The following COL4A4 variants were observed in gnomAD, a reference collection of about 807,000 sequenced individuals.
COL4A4 encodes the protein collagen type IV alpha 4 chain, also known as collagen alpha-4(IV) chain.
COL4A4 carries 105 observed loss-of-function variants against 192.9 expected under a neutral mutation model. The ratio of observed to expected loss-of-function variants is 0.54; its 90% CI spans 0.46 to 0.64. The LOEUF (loss-of-function observed/expected upper bound fraction) is 0.64, where lower values mean the gene tolerates loss of function less well. COL4A4 is among the 30% of genes least tolerant of loss of function. COL4A4 has a pLI of 0.00. For synonymous variants in COL4A4, 762 were observed against 769.9 expected, an observed-to-expected ratio of 0.99 and a Z score of 0.17; for missense variants, 1,967 against 2,169.3, an observed-to-expected ratio of 0.91 and a Z score of 1.85.
chr2:227,143,735 C>T (rs1349396052), intron 3 of COL4A4, among the ~76,000 whole-genome samples: 1 of 152,168 alleles, frequency 6.6e-6, no homozygotes, highest in Non-Finnish European at 1.5e-5. Flanking sequence ...AGGTGATACT[C>T]TCAAATGCAT....
Position 227,101,883 on chromosome 2 carries a change from T to C in COL4A4, c.957A>G (p.Pro319=). ...CATTTACCTTTAATCCTGGAAAACC[T>C]GGAGATCCATAGGAACCAGGATCCC... The part of the protein sequence containing the change: ...PRGDPGSYGS[P]GFPGLKGELG... Residue 319 remains proline (P), a synonymous_variant, in exon 16 of 48, where the codon CCA becomes CCG. Coordinates refer to ENST00000396625, the MANE Select transcript of COL4A4 (RefSeq NM_000092.5). The C allele has an allele frequency of 6.3e-7, 1 of 1,596,118 alleles. No individual in the cohort carries two copies. Among genetic ancestry groups the C allele is most frequent in the South Asian group, 1.1e-5 (1 of 89,030 alleles).
intron 25 of COL4A4, among the ~76,000 whole-genome samples, chr2:227,067,381 C>T (rs895119272): frequency 6.6e-6 from 1 of 152,210 alleles, no homozygotes; most frequent in Non-Finnish European, 1.5e-5. Flanking sequence ...TAGACATCTA[C>T]AGAACTCTCC....
intron 42 of COL4A4, 110 bp from the exon 43 acceptor site, chr2:227,025,920 A>C: frequency 1.0e-6 from 1 of 973,038 alleles, no homozygotes; most frequent in African/African-American, 1.6e-5. Flanking sequence ...AAGAACATAC[A>C]TAATAATTTG....
At chr2:227,076,126 GA>G (rs892465920) in intron 25 of COL4A4, among the ~76,000 whole-genome samples, 8 of 151,136 alleles carry the variant, frequency 5.3e-5, no homozygotes, top group East Asian at 1.9e-4. Context: ...CACAGAATTA[GA>G]AAAAAAAATT....
intron 40 of COL4A4, among the ~76,000 whole-genome samples, chr2:227,031,649 G>A (rs1345254084): frequency 6.6e-6 from 1 of 152,144 alleles, no homozygotes; most frequent in African/African-American, 2.4e-5. Flanking sequence ...GAAGACATTT[G>A]GTCAGCATCA....
At chr2:227,136,336 C>T (rs1377835737) in intron 4 of COL4A4, among the ~76,000 whole-genome samples, 1 of 152,168 alleles carries the variant, frequency 6.6e-6, no homozygotes, top group African/African-American at 2.4e-5. Flanking sequence ...CTCCACTGAG[C>T]TCCTTTGAGA....
At chr2:227,030,673 G>A (rs573523410) in intron 40 of COL4A4, 75 bp from the exon 41 acceptor site, 59 of 1,206,062 alleles carry the variant, frequency 4.9e-5, no homozygotes, top group African/African-American at 1.5e-4. Context: ...GACAGCTTCC[G>A]AAGAAAAACA....
chr2:227,013,403 C>A (rs889361269), intron 44 of COL4A4, among the ~76,000 whole-genome samples: 2 of 152,070 alleles, frequency 1.3e-5, no homozygotes, highest in African/African-American at 4.8e-5. Context: ...GGAGATAAGA[C>A]CTTTAAGGAG....
At chr2:227,076,950 C>T (rs945590886) in intron 25 of COL4A4, among the ~76,000 whole-genome samples, 9 of 152,070 alleles carry the variant, frequency 5.9e-5, no homozygotes, top group African/African-American at 1.4e-4. Context: ...TACCATCTCA[C>T]GGCAGTTAGA....
Position 227,073,078 on chromosome 2 carries a change from T to C in COL4A4, c.1987+4816A>G, listed in dbSNP as rs192789240. Among the ~76,000 whole-genome samples, 5 of 151,968 alleles carry C rather than the reference T, an allele frequency of 3.3e-5. No homozygotes were observed. The East Asian group carries it at 9.7e-4, about 29-fold the overall frequency. On this transcript the variant is annotated intron_variant, in intron 25 of 47. Transcript: ENST00000396625. ...AGGTAAGAGAAATAAATAAACAGCA[T>C]CAAAATTAGAAAAGAGGAAGTCAAA...
At chr2:227,017,964 G>A (rs577749858) in intron 44 of COL4A4, among the ~76,000 whole-genome samples, 50 of 152,114 alleles carry the variant, frequency 3.3e-4, no homozygotes, top group Non-Finnish European at 5.6e-4. Flanking sequence ...AGGGGAGGAG[G>A]AGGTAGAGGA....
the COL4A4 span, among the ~76,000 whole-genome samples, chr2:226,986,060 A>G: frequency 0.46 from 69,676 of 152,140 alleles, 16,191 homozygotes; most frequent in South Asian, 0.56. Flanking sequence ...TTTCACCTCT[A>G]TGGTATTCTT....
At chr2:227,060,101 G>GA (rs71422223) in intron 27 of COL4A4, 35 bp downstream of exon 27, 37,371 of 494,150 alleles carry the variant, frequency 0.076, 504 homozygotes, top group East Asian at 0.12. Context: ...TCCCAAAGCA[G>GA]AAAAAAAAAA....
At position 227,057,482 on chromosome 2, in the gene COL4A4, C is replaced by T. The variant is rs1354235410; in HGVS notation, c.2502G>A (p.Gly834=). The change falls in exon 29 of 48, where the codon GGG becomes GGA. Residue 834 remains glycine (G), a synonymous_variant. Coordinates refer to ENST00000396625, the MANE Select transcript of COL4A4 (RefSeq NM_000092.5). The part of the protein sequence containing the change: ...PGHSCERGAP[G]IPGQPGLPGY... ...CAGGGAGTCCCGGTTGCCCTGGTATCCCTGGAGCACCTCTTTCACAGGAAT... is the reference window on the plus strand; with the variant it reads ...CAGGGAGTCCCGGTTGCCCTGGTATTCCTGGAGCACCTCTTTCACAGGAAT... 1.2e-6 allele frequency: 2 copies of T among 1,612,036 alleles called. 1 individual carries two copies. The highest frequency in any genetic ancestry group is 2.2e-5 in the South Asian group (2 of 90,352).
At chr2:226,976,789 G>T in the COL4A4 span, among the ~76,000 whole-genome samples, 1 of 152,174 alleles carries the variant, frequency 6.6e-6, no homozygotes, top group Non-Finnish European at 1.5e-5. Flanking sequence ...CTGGAGTGAG[G>T]CCTCTTGGCC....
chr2:227,162,397 T>TCAATTAA (rs2064908732), intron 1 of COL4A4, among the ~76,000 whole-genome samples: 1 of 152,238 alleles, frequency 6.6e-6, no homozygotes, highest in Admixed American at 6.5e-5. Context: ...TGTTTGTACT[T>TCAATTAA]TTTAAAATTA....
chr2:227,065,088 T>A, intron 25 of COL4A4, among the ~76,000 whole-genome samples: 1 of 151,930 alleles, frequency 6.6e-6, no homozygotes, highest in Non-Finnish European at 1.5e-5. Flanking sequence ...GTGCAAGGGG[T>A]CAGGGAGTTC....
chr2:227,124,029 G>A (rs1274810721), intron 4 of COL4A4, among the ~76,000 whole-genome samples: 4 of 152,038 alleles, frequency 2.6e-5, no homozygotes, highest in East Asian at 1.9e-4. Context: ...CATAGTGCCT[G>A]GCATAACAAA....
rs2150775084 is a variant in COL4A4 at position 227,101,661 on chromosome 2, A to C, written c.976-104T>G. The C allele has an allele frequency of 2.4e-6, 3 of 1,232,746 alleles. No individual in the cohort carries two copies. The Admixed American group carries it at 5.8e-5, about 24-fold the overall frequency. The allele number at this position is 1,232,746 out of a possible 1,614,324, so 76.4% of individuals were successfully genotyped here. ...AACACATTGCCCACTGAGACCATGCAAAGTCTTAACACTGTTCATCAGTTG... is the reference window on the plus strand; with the variant it reads ...AACACATTGCCCACTGAGACCATGCCAAGTCTTAACACTGTTCATCAGTTG... On this transcript the variant is annotated intron_variant, in intron 16 of 47. Transcript: ENST00000396625.
Sources: gnomAD v4.1 joint callset for allele counts (sites outside exome capture counted in the v4.1 genomes callset) on GRCh38, gnomAD v4.1.1 for gene constraint, MANE v1.5 for transcripts, NCBI Gene and HGNC (gene_info 2026-07-23, HGNC 2026-07-21) for gene names.